The following SYNPR variants were observed in gnomAD, a reference collection of about 807,000 sequenced individuals.
The protein encoded by SYNPR is synaptoporin.
A neutral mutation model predicts 32.9 loss-of-function variants in SYNPR; 23 were observed. That is an observed-to-expected ratio of 0.70 (90% CI 0.50 to 0.99). SYNPR has a LOEUF of 0.99. Among genes scored for constraint, SYNPR ranks in the 50% least tolerant of loss-of-function variants. SYNPR has a pLI of 0.00. For missense variants in SYNPR, 318 were observed against 349.3 expected (o/e 0.91, Z 0.71); for synonymous variants, 146 against 135.9 (o/e 1.07, Z -0.52).
chr3:63,474,078 C>T (rs1487639858), intron 2 of SYNPR, among the ~76,000 whole-genome samples: 1 of 152,150 alleles, frequency 6.6e-6, no homozygotes, highest in Non-Finnish European at 1.5e-5. Context: ...AGCCAGCCAA[C>T]GATGTGTGGT....
At chr3:63,535,147 C>T (rs1023656571) in intron 3 of SYNPR, among the ~76,000 whole-genome samples, 2 of 152,074 alleles carry the variant, frequency 1.3e-5, no homozygotes, top group African/African-American at 2.4e-5. Flanking sequence ...AAAATAAATA[C>T]ACTCTGCATA....
At chr3:63,519,072 T>C (rs1250027781) in intron 3 of SYNPR, among the ~76,000 whole-genome samples, 1 of 152,234 alleles carries the variant, frequency 6.6e-6, no homozygotes, top group Non-Finnish European at 1.5e-5. Context: ...TTTATTGATT[T>C]GCATATGTTG....
chr3:63,260,552 C>A (rs905856463), intron 2 of SYNPR, among the ~76,000 whole-genome samples: 2 of 152,148 alleles, frequency 1.3e-5, no homozygotes, highest in Admixed American at 1.3e-4. Context: ...CTTCCTTACA[C>A]CTTATACAAA....
intron 2 of SYNPR, among the ~76,000 whole-genome samples, chr3:63,472,663 TG>T (rs1391051498): frequency 1.3e-5 from 2 of 152,198 alleles, no homozygotes; most frequent in Non-Finnish European, 2.9e-5. Flanking sequence ...ATGGTCCTGT[TG>T]GCAAAGGATT....
intron 5 of SYNPR, chr3:63,610,426 T>G (rs1209522121): frequency 1.5e-6 from 1 of 677,202 alleles, no homozygotes. Context: ...CTTTAGCACA[T>G]CCTAGAAATA....
At chr3:63,292,229 T>G (rs1289095369) in intron 2 of SYNPR, among the ~76,000 whole-genome samples, 1 of 152,208 alleles carries the variant, frequency 6.6e-6, no homozygotes, top group Admixed American at 6.5e-5. Flanking sequence ...AATTTTTAAT[T>G]GACATGTAAT....
chr3:63,328,873 G>A (rs114445744), intron 2 of SYNPR, among the ~76,000 whole-genome samples: 5,205 of 152,204 alleles, frequency 0.034, 278 homozygotes, highest in African/African-American at 0.12. Flanking sequence ...TGAGAGGTCA[G>A]GACCTGTTTT....
intron 3 of SYNPR, among the ~76,000 whole-genome samples, chr3:63,506,476 T>G (rs1049975726): frequency 2.6e-5 from 4 of 152,194 alleles, no homozygotes; most frequent in Non-Finnish European, 5.9e-5. Context: ...TTTTCAGAAC[T>G]ATTAATCCTG....
chr3:63,221,354 A>G, the SYNPR span, among the ~76,000 whole-genome samples: 1 of 152,150 alleles, frequency 6.6e-6, no homozygotes, highest in Non-Finnish European at 1.5e-5. Flanking sequence ...TGAGCATTCA[A>G]TATGCTTATA....
chr3:63,519,453 T>G (rs1383251109), intron 3 of SYNPR, among the ~76,000 whole-genome samples: 3 of 152,222 alleles, frequency 2.0e-5, no homozygotes. Flanking sequence ...TTTTGTTCCC[T>G]GAGTTCCCTT....
At chr3:63,578,385 T>G (rs2106856678) in intron 4 of SYNPR, among the ~76,000 whole-genome samples, 1 of 152,126 alleles carries the variant, frequency 6.6e-6, no homozygotes, top group Non-Finnish European at 1.5e-5. Context: ...AAGAAGTAGG[T>G]GTAAGGAGAG....
At chr3:63,471,400 C>G (rs1700793809) in intron 2 of SYNPR, among the ~76,000 whole-genome samples, 1 of 152,184 alleles carries the variant, frequency 6.6e-6, no homozygotes, top group Non-Finnish European at 1.5e-5. Context: ...AGGTTATTCA[C>G]AAAAGCCTTC....
intron 2 of SYNPR, among the ~76,000 whole-genome samples, chr3:63,319,146 G>C (rs2087080022): frequency 6.6e-6 from 1 of 151,982 alleles, no homozygotes; most frequent in Admixed American, 6.6e-5. Context: ...ACCAGTGCTT[G>C]TTCTAGTGGA....
rs571548875 is a variant in SYNPR, at chr3:63,393,272, A to C, written c.85-87560A>C. Among the ~76,000 whole-genome samples the C allele has an allele frequency of 3.9e-5, 6 of 152,306 alleles. No individual in the cohort carries two copies. In the South Asian group the frequency reaches 1.2e-3, roughly 32 times the overall value. ...CAAATAAGGCTTAAAAAACAGTCTC[A>C]TACATGTCTCATTGTGCATGTATGT... On this transcript the variant is annotated intron_variant, in intron 2 of 5. Transcript: ENST00000478300.
intron 2 of SYNPR, among the ~76,000 whole-genome samples, chr3:63,261,608 C>G (rs1310308068): frequency 7.1e-6 from 1 of 140,862 alleles, no homozygotes; most frequent in Non-Finnish European, 1.5e-5. Flanking sequence ...GGAGATATAC[C>G]TAATGTTAAA....
chr3:63,319,621 A>G (rs1575597156), intron 2 of SYNPR, among the ~76,000 whole-genome samples: 1 of 152,048 alleles, frequency 6.6e-6, no homozygotes, highest in East Asian at 1.9e-4. Context: ...AAAGAAATTG[A>G]AGAGGACACA....
At chr3:63,542,507 G>T (rs1423195679) in intron 3 of SYNPR, among the ~76,000 whole-genome samples, 1 of 152,056 alleles carries the variant, frequency 6.6e-6, no homozygotes, top group Non-Finnish European at 1.5e-5. Flanking sequence ...AATCACTCCA[G>T]TGGGCTGTCT....
At chr3:63,240,034 T>C (rs2086229748) in intron 1 of SYNPR, among the ~76,000 whole-genome samples, 1 of 152,168 alleles carries the variant, frequency 6.6e-6, no homozygotes, top group Non-Finnish European at 1.5e-5. Flanking sequence ...TTAATTAGCC[T>C]GGGATTATAT....
intron 3 of SYNPR, among the ~76,000 whole-genome samples, chr3:63,496,607 G>T (rs1185011799): frequency 6.6e-6 from 1 of 152,122 alleles, no homozygotes; most frequent in African/African-American, 2.4e-5. Flanking sequence ...CTATCAGGAA[G>T]ATATGAAAGT....
Sources: allele counts gnomAD v4.1 joint callset (sites outside exome capture counted in the v4.1 genomes callset), GRCh38; gene constraint gnomAD v4.1.1; transcripts MANE v1.5; gene names NCBI Gene and HGNC (gene_info 2026-07-23, HGNC 2026-07-21).